The following PDSS1 variants were observed in gnomAD, a reference collection of about 807,000 sequenced individuals.
PDSS1 encodes the protein all trans-polyprenyl-diphosphate synthase PDSS1.
In PDSS1, 43 loss-of-function variants were observed where a neutral mutation model predicts 57.5. The observed-to-expected ratio is 0.75, with a 90% CI of 0.59 to 0.96. The LOEUF (loss-of-function observed/expected upper bound fraction) is 0.96, where lower values mean the gene tolerates loss of function less well. Among genes scored for constraint, PDSS1 ranks in the 50% least tolerant of loss-of-function variants. The probability of loss-of-function intolerance (pLI) is 0.00; values close to 1 mark genes in which losing one functional copy is unlikely to be tolerated. For missense variants in PDSS1, 438 were observed against 527.8 expected (o/e 0.83, Z 1.67); for synonymous variants, 175 against 191.3 (o/e 0.91, Z 0.70).
In PDSS1 at chr10:26,746,666, C is replaced by G; in HGVS notation, c.*193C>G. On this transcript the variant is annotated 3_prime_UTR_variant, in exon 12 of 12. Transcript: ENST00000376215. Reference sequence around the variant, plus strand: ...AACTTTTTAAATGTAATTAATAAACCACCTGAATCTGTCATTCTAGTCCTA... The same window carrying G: ...AACTTTTTAAATGTAATTAATAAACGACCTGAATCTGTCATTCTAGTCCTA... 1.7e-6 allele frequency: 1 copy of G among 585,416 alleles called. No homozygotes were observed. The highest frequency in any genetic ancestry group is 3.0e-6 in the Non-Finnish European group (1 of 329,728). 36.3% of individuals were successfully genotyped at this position (585,416 alleles called of 1,614,324 possible). A position where few individuals can be genotyped will look rare whatever the true frequency, so the allele number is the denominator to read the frequency against.
At chr10:26,721,423 T>TACACACACACACACACAC (rs1554795596) in intron 6 of PDSS1, among the ~76,000 whole-genome samples, 76 of 149,366 alleles carry the variant, frequency 5.1e-4, no homozygotes, top group Non-Finnish European at 7.7e-4. Flanking sequence ...GATATATGTA[T>TACACACACACACACACAC]ACACACACAC....
At position 26,720,061 on chromosome 10, in the gene PDSS1, T is replaced by C. The variant is rs1203238667; in HGVS notation, c.468-157T>C. ...AGGGTTTCTCATACATTTGTAAATG[T>C]ATAGAAATGGCTGTGTGGTGAAGCC... On this transcript the variant is annotated intron_variant, in intron 5 of 11. Coordinates refer to ENST00000376215, the MANE Select transcript of PDSS1 (RefSeq NM_014317.5). 4 of 972,758 alleles carry C rather than the reference T, an allele frequency of 4.1e-6. No individual in the cohort carries two copies. In the African/African-American group the frequency reaches 6.5e-5, roughly 16 times the overall value. 60.3% of individuals were successfully genotyped at this position (972,758 alleles called of 1,614,324 possible).
chr10:26,740,933 G>A (rs1046062944), intron 10 of PDSS1: 3 of 237,680 alleles, frequency 1.3e-5, no homozygotes, highest in African/African-American at 2.2e-5. Flanking sequence ...GTAGAATATC[G>A]ATTTTACCTT....
intron 10 of PDSS1, among the ~76,000 whole-genome samples, chr10:26,739,365 G>T (rs1836509365): frequency 6.6e-6 from 1 of 152,184 alleles, no homozygotes; most frequent in Non-Finnish European, 1.5e-5. Context: ...TGTTCTTCCT[G>T]CTGTGTTTCT....
At chr10:26,701,900 A>G in intron 1 of PDSS1, 1 of 452,472 alleles carries the variant, frequency 2.2e-6, no homozygotes, top group Non-Finnish European at 4.4e-6. Flanking sequence ...GTGGGGGTTG[A>G]ACCCTGCAAA....
intron 1 of PDSS1, among the ~76,000 whole-genome samples, chr10:26,699,646 C>G (rs1209758104): frequency 6.6e-6 from 1 of 152,142 alleles, no homozygotes; most frequent in Non-Finnish European, 1.5e-5. Context: ...CCACCCCCTC[C>G]TCGGCCTCCC....
chr10:26,723,377 G>T (rs1408657067), intron 6 of PDSS1, among the ~76,000 whole-genome samples: 1 of 152,188 alleles, frequency 6.6e-6, no homozygotes, highest in Non-Finnish European at 1.5e-5. Context: ...GGGCTGGTGA[G>T]TGAAGCTGCT....
At chr10:26,699,234 T>C (rs2224898) in intron 1 of PDSS1, among the ~76,000 whole-genome samples, 96,623 of 151,800 alleles carry the variant, frequency 0.64, 31,329 homozygotes, top group East Asian at 0.8. Flanking sequence ...GTGAGGGGCA[T>C]GTGGGAGAAG....
chr10:26,713,070 G>C (rs1236096618), intron 5 of PDSS1, among the ~76,000 whole-genome samples: 1 of 95,886 alleles, frequency 1.0e-5, no homozygotes, highest in South Asian at 2.7e-4. Context: ...AGGCAGGCGG[G>C]TCACGAGGTC....
intron 8 of PDSS1, among the ~76,000 whole-genome samples, chr10:26,733,338 A>G (rs1166574572): frequency 6.6e-6 from 1 of 151,986 alleles, no homozygotes; most frequent in Admixed American, 6.6e-5. Flanking sequence ...AAGTTTCTGA[A>G]TTGTCCCCCA....
chr10:26,723,988 C>T lies in PDSS1; in HGVS notation c.722-26C>T, dbSNP rs1835872102. 1.9e-6 allele frequency: 3 copies of T among 1,598,948 alleles called. No individual in the cohort carries two copies. In the South Asian group the frequency reaches 3.3e-5, roughly 18 times the overall value. On this transcript the variant is annotated intron_variant, in intron 7 of 11. Coordinates refer to ENST00000376215, the MANE Select transcript of PDSS1 (RefSeq NM_014317.5). ...TTAGCCAGGCAATAAAGCCACCTCT[C>T]AAATGACTCCTTTCCTTCTTTATAG...
chr10:26,713,214 C>T (rs75373644), intron 5 of PDSS1, among the ~76,000 whole-genome samples: 2,025 of 47,000 alleles, frequency 0.043, 120 homozygotes, highest in Non-Finnish European at 0.052. Context: ...ATCGCTTGAA[C>T]CCGGGAGGCA....
chr10:26,721,431 C>T (rs1027128840), intron 6 of PDSS1, among the ~76,000 whole-genome samples: 6 of 151,728 alleles, frequency 4.0e-5, no homozygotes, highest in Non-Finnish European at 5.9e-5. Context: ...TATACACACA[C>T]ACACACACAC....
intron 10 of PDSS1, among the ~76,000 whole-genome samples, chr10:26,740,269 C>G (rs1474828784): frequency 6.6e-6 from 1 of 152,182 alleles, no homozygotes. Context: ...ACGATTGCAC[C>G]ACTGCACTCC....
intron 10 of PDSS1, among the ~76,000 whole-genome samples, chr10:26,741,932 T>C (rs1836627260): frequency 6.6e-6 from 1 of 152,224 alleles, no homozygotes; most frequent in Non-Finnish European, 1.5e-5. Flanking sequence ...TAGAGTGCAA[T>C]GGCGCAATCT....
chr10:26,718,878 A>G (rs1835690498), intron 5 of PDSS1: 1 of 152,198 alleles, frequency 6.6e-6, no homozygotes, highest in Admixed American at 6.5e-5. Flanking sequence ...CCAGCGTGAC[A>G]TCATATTTTA....
chr10:26,740,547 A>T (rs540276010), intron 10 of PDSS1: 1 of 445,504 alleles, frequency 2.2e-6, no homozygotes, highest in South Asian at 1.6e-5. Flanking sequence ...TTTGTCTGTG[A>T]TCACTTGGCT....
intron 11 of PDSS1, among the ~76,000 whole-genome samples, chr10:26,742,800 G>A (rs1836676155): frequency 6.6e-6 from 1 of 152,140 alleles, no homozygotes; most frequent in South Asian, 2.1e-4. Flanking sequence ...CTGGTCTTAG[G>A]TAAGGCACAG....
At chr10:26,724,173 G>T (rs1204897290) in intron 8 of PDSS1, 50 bp downstream of exon 8, 2 of 1,258,020 alleles carry the variant, frequency 1.6e-6, no homozygotes, top group Non-Finnish European at 1.2e-6. Context: ...GCTCTTTTTT[G>T]GGAGCTAATT....
Sources: allele counts gnomAD v4.1 joint callset (sites outside exome capture counted in the v4.1 genomes callset), GRCh38; gene constraint gnomAD v4.1.1; transcripts MANE v1.5; gene names NCBI Gene and HGNC (gene_info 2026-07-23, HGNC 2026-07-21).